The following ENO3 variants were observed in gnomAD, a reference collection of about 807,000 sequenced individuals.
ENO3 encodes the protein beta-enolase.
ENO3 carries 46 observed loss-of-function variants against 47.7 expected under a neutral mutation model. That is an observed-to-expected ratio of 0.96 (90% confidence interval 0.76 to 1.23). ENO3 has a LOEUF of 1.23. Ranked by LOEUF, ENO3 falls within the 50% of genes most tolerant of loss-of-function variation. ENO3 has a pLI of 0.00. For synonymous variants in ENO3, 223 were observed against 225.9 expected, an observed-to-expected ratio of 0.99 and a Z score of 0.11; for missense variants, 575 against 566.2, an observed-to-expected ratio of 1.02 and a Z score of -0.16.
At position 4,955,205 on chromosome 17, in the gene ENO3, T is replaced by C; in HGVS notation, c.575T>C (p.Leu192Pro). 6.2e-7 allele frequency: 1 copy of C among 1,614,274 alleles called. No homozygotes were observed. The highest frequency in any genetic ancestry group is 1.1e-5 in the South Asian group (1 of 91,092). Residue 192 changes from leucine (L) to proline (P), a missense_variant, in exon 7 of 12, where the codon CTC becomes CCC. Physicochemically the swap from Leu to Pro is moderately conservative, Grantham distance 98 (BLOSUM62 -3). Transcript: ENST00000519602. Reference protein sequence around the residue: ...MRIGAEVYHHLKGVIKAKYGK... With the variant: ...MRIGAEVYHHPKGVIKAKYGK... ...ATTGGCGCCGAGGTCTACCACCACC[T>C]CAAGGGGGTCATCAAGGCCAAGTAT...
At chr17:4,949,232 C>G (rs1355779073), upstream of ENO3, 1 of 152,236 alleles carries the variant, frequency 6.6e-6, no homozygotes, top group African/African-American at 2.4e-5. Flanking sequence ...TCTAGTCGCT[C>G]TCATAGCTGA....
At chr17:4,954,645 T>G (rs1188518429) in intron 6 of ENO3, among the ~76,000 whole-genome samples, 2 of 152,200 alleles carry the variant, frequency 1.3e-5, no homozygotes, top group Non-Finnish European at 2.9e-5. Context: ...CTGGGCACAG[T>G]GGCTCACGCC....
chr17:4,955,515 T>C lies in ENO3; in HGVS notation c.776T>C (p.Leu259Pro). 1.9e-6 allele frequency: 3 copies of C among 1,614,228 alleles called. No homozygotes were observed. Among genetic ancestry groups the C allele is most frequent in the Non-Finnish European group, 2.5e-6 (3 of 1,180,048 alleles). ...TTCTATCGCAATGGGAAGTACGATC[T>C]TGACTTCAAGTCGCCTGATGATCCC... The part of the protein sequence containing the change: ...SEFYRNGKYD[L>P]DFKSPDDPAR... The change falls in exon 8 of 12, where the codon CTT becomes CCT. Residue 259 changes from leucine (L) to proline (P), a missense_variant. Coordinates refer to ENST00000519602, the MANE Select transcript of ENO3 (RefSeq NM_053013.4).
chr17:4,953,418 G>T, intron 5 of ENO3, 77 bp downstream of exon 5: 1 of 1,588,520 alleles, frequency 6.3e-7, no homozygotes, highest in Admixed American at 1.7e-5. Context: ...AGGCCTGATG[G>T]GTTATTTCTG....
At chr17:4,950,843 G>T (rs1039253390), upstream of ENO3, among the ~76,000 whole-genome samples, 1 of 152,234 alleles carries the variant, frequency 6.6e-6, no homozygotes. Context: ...GTAATCCTGG[G>T]GTGGGGGGAG....
At chr17:4,956,414 C>A in intron 9 of ENO3, 159 bp from the exon 10 acceptor site, 1 of 804,948 alleles carries the variant, frequency 1.2e-6, no homozygotes, top group Non-Finnish European at 2.1e-6. Context: ...AGCCCGAAAT[C>A]AAGATAAGTC....
At chr17:4,949,865 C>A (rs1427264822), upstream of ENO3, among the ~76,000 whole-genome samples, 1 of 152,094 alleles carries the variant, frequency 6.6e-6, no homozygotes, top group African/African-American at 2.4e-5. Flanking sequence ...GAGTCACTGG[C>A]GGGCTCGGGC....
At chr17:4,954,274 A>G (rs1359734672) in intron 6 of ENO3, 6 of 247,012 alleles carry the variant, frequency 2.4e-5, no homozygotes, top group Non-Finnish European at 4.0e-5. Flanking sequence ...CTTGTTACTT[A>G]CTAGGAGGAT....
At chr17:4,951,380 T>TGAGGAGGGCAGCAGGGATGGATA (rs1432380144) in intron 1 of ENO3, among the ~76,000 whole-genome samples, 198 bp downstream of exon 1, 6 of 151,558 alleles carry the variant, frequency 4.0e-5, no homozygotes, top group South Asian at 2.1e-4. Flanking sequence ...AAGGAGGCTG[T>TGAGGAGGGCAGCAGGGATGGATA]GAGGAGGGCA....
At position 4,956,090 on chromosome 17, in the gene ENO3, C is replaced by T. The variant is rs1189703439; in HGVS notation, c.1014C>T (p.Asn338=). The change falls in exon 9 of 12, where the codon AAC becomes AAT. Residue 338 remains asparagine (N), a synonymous_variant. Transcript: ENST00000519602. ...AGGCCGTTGAGAAGAAGGCCTGCAA[C>T]TGTCTGCTGCTGAAGGTCAACCAGA... The part of the protein sequence containing the change: ...IAQAVEKKAC[N]CLLLKVNQIG... The T allele has an allele frequency of 4.3e-6, 7 of 1,614,136 alleles. No homozygotes were observed. Among genetic ancestry groups the T allele is most frequent in the African/African-American group, 1.3e-5 (1 of 75,018 alleles).
rs374417958 is a variant in ENO3, at chr17:4,953,673, A to C, written c.311-39A>C. On this transcript the variant is annotated intron_variant, in intron 5 of 11. Coordinates refer to ENST00000519602, the MANE Select transcript of ENO3 (RefSeq NM_053013.4). ...CTGGAGTAGCCACCCCAAACCCTGC[A>C]GAAGCTCTCATCCTTTCTTCCCGCT... is the stretch of plus-strand genomic sequence containing the variant. 1.2e-5 allele frequency: 19 copies of C among 1,614,106 alleles called. No homozygotes were observed. The African/African-American group carries it at 2.3e-4, about 19-fold the overall frequency.
intron 2 of ENO3, among the ~76,000 whole-genome samples, chr17:4,952,511 G>T (rs1057099839): frequency 2.6e-5 from 4 of 152,250 alleles, no homozygotes; most frequent in South Asian, 2.1e-4. Flanking sequence ...TTTTAGTAGA[G>T]ATGGGGTTTC....
chr17:4,955,475 G>A lies in ENO3; in HGVS notation c.736G>A (p.Val246Met), dbSNP rs756256626. Residue 246 changes from valine to methionine, a missense_variant, in exon 8 of 12, where the codon GTG (valine) becomes ATG (methionine). Physicochemically the swap from Val to Met is conservative, Grantham distance 21 (BLOSUM62 1). Coordinates refer to ENST00000519602, the MANE Select transcript of ENO3 (RefSeq NM_053013.4). Reference protein sequence around the residue: ...YPDKVVIGMDVAASEFYRNGK... With the variant: ...YPDKVVIGMDMAASEFYRNGK... ...AGACAAGGTGGTGATCGGCATGGAT[G>A]TGGCAGCATCTGAGTTCTATCGCAA... is the stretch of plus-strand genomic sequence containing the variant. The A allele has an allele frequency of 1.3e-5, 21 of 1,614,158 alleles. No homozygotes were observed. Among genetic ancestry groups the A allele is most frequent in the Non-Finnish European group, 1.4e-5 (17 of 1,180,054 alleles).
At chr17:4,953,585 C>A in intron 5 of ENO3, 127 bp from the exon 6 acceptor site, 1 of 1,563,518 alleles carries the variant, frequency 6.4e-7, no homozygotes, top group Non-Finnish European at 8.8e-7. Flanking sequence ...GCTACTCAGG[C>A]TGTTGGGGAG....
At chr17:4,953,518 C>A (rs1001631432) in intron 5 of ENO3, among the ~76,000 whole-genome samples, 177 bp downstream of exon 5, 3 of 152,202 alleles carry the variant, frequency 2.0e-5, no homozygotes, top group Non-Finnish European at 2.9e-5. Flanking sequence ...AGGCCTGGGC[C>A]GGGCTGTGGA....
At position 4,955,237 on chromosome 17, in the gene ENO3, G is replaced by A; in HGVS notation, c.607G>A (p.Asp203Asn). The A allele has an allele frequency of 6.2e-7, 1 of 1,614,274 alleles. No individual in the cohort carries two copies. Among genetic ancestry groups the A allele is most frequent in the African/African-American group, 1.3e-5 (1 of 75,082 alleles). ...GGTCATCAAGGCCAAGTATGGGAAG[G>A]ATGCCACCAATGTGGGTGATGAAGG... is the stretch of plus-strand genomic sequence containing the variant. The part of the protein sequence containing the change: ...KGVIKAKYGK[D>N]ATNVGDEGGF... Residue 203 changes from aspartate to asparagine, a missense_variant, in exon 7 of 12, where the codon GAT becomes AAT. By Grantham distance (23) the Asp-to-Asn change is conservative (BLOSUM62 1). Coordinates refer to ENST00000519602, the MANE Select transcript of ENO3 (RefSeq NM_053013.4).
chr17:4,953,944 C>A (rs2151141581), intron 6 of ENO3, 99 bp downstream of exon 6: 1 of 1,571,692 alleles, frequency 6.4e-7, no homozygotes. Context: ...TTCAGACCAG[C>A]TCCTAAGAAG....
In ENO3 at chr17:4,954,167, G is replaced by A. The variant is rs937944874; in HGVS notation, c.444+322G>A. ...AGAGTTTCTTTGAGGCAAAGATCTTGGCATTTCTTTGTATCTTCTTGAGTC... is the reference window on the plus strand; with the variant it reads ...AGAGTTTCTTTGAGGCAAAGATCTTAGCATTTCTTTGTATCTTCTTGAGTC... On this transcript the variant is annotated intron_variant, in intron 6 of 11. Transcript: ENST00000519602. The A allele has an allele frequency of 1.8e-5, 8 of 441,692 alleles. No homozygotes were observed. The Admixed American group carries it at 2.6e-4, about 15-fold the overall frequency. 27.4% of individuals were successfully genotyped at this position (441,692 alleles called of 1,614,324 possible).
chr17:4,953,332 G>T lies in ENO3; in HGVS notation c.301G>T (p.Glu101Ter). 2 of 1,614,248 alleles carry T rather than the reference G, an allele frequency of 1.2e-6. No individual in the cohort carries two copies. The highest frequency in any genetic ancestry group is 1.7e-6 in the Non-Finnish European group (2 of 1,180,054). Residue 101 changes from glutamate to a stop codon, truncating the protein, a stop_gained, in exon 5 of 12, where the codon GAG becomes TAG. Coordinates refer to ENST00000519602, the MANE Select transcript of ENO3 (RefSeq NM_053013.4). LOFTEE classifies it high-confidence loss of function. ...DKFMIELDGT[E>*]NKSKFGANAI... ...ATTTATGATTGAGCTAGATGGGACC[G>T]AGAATAAGTGTGAGTGAAGGGCTAG...
Sources: allele counts gnomAD v4.1 joint callset (sites outside exome capture counted in the v4.1 genomes callset), GRCh38; gene constraint gnomAD v4.1.1; transcripts MANE v1.5; gene names NCBI Gene and HGNC (gene_info 2026-07-23, HGNC 2026-07-21).